The following PTPRD variants were observed in gnomAD, a reference collection of about 807,000 sequenced individuals.
The protein encoded by PTPRD is protein tyrosine phosphatase receptor type D.
In PTPRD, 34 loss-of-function variants were observed where a neutral mutation model predicts 214.5. The observed-to-expected ratio is 0.16, with a 90% CI of 0.12 to 0.21. The LOEUF (loss-of-function observed/expected upper bound fraction) is 0.21. Among genes scored for constraint, PTPRD ranks in the 10% least tolerant of loss-of-function variants. The pLI is 1.00. For synonymous variants in PTPRD, 1,128 were observed against 845.7 expected (o/e 1.33, Z -5.79); for missense variants, 2,545 against 2,398.7 (o/e 1.06, Z -1.27).
At chr9:9,038,503 C>T (rs1298562897) in intron 10 of PTPRD, among the ~76,000 whole-genome samples, 1 of 151,294 alleles carries the variant, frequency 6.6e-6, no homozygotes, top group Non-Finnish European at 1.5e-5. Context: ...CACAATTCTT[C>T]ACTTTAAGTG....
intron 4 of PTPRD, among the ~76,000 whole-genome samples, chr9:9,946,881 G>A (rs2153982808): frequency 6.6e-6 from 1 of 152,128 alleles, no homozygotes; most frequent in African/African-American, 2.4e-5. Context: ...GCAATATTAT[G>A]TGAAGCAGAA....
intron 5 of PTPRD, among the ~76,000 whole-genome samples, chr9:9,776,639 A>C (rs2098800638): frequency 6.6e-6 from 1 of 152,242 alleles, no homozygotes; most frequent in Non-Finnish European, 1.5e-5. Flanking sequence ...TAACAAGAAA[A>C]AAAAGAACAT....
chr9:8,877,028 G>C (rs1211440411), intron 11 of PTPRD, among the ~76,000 whole-genome samples: 2 of 151,910 alleles, frequency 1.3e-5, no homozygotes, highest in East Asian at 1.9e-4. Flanking sequence ...CCGGGTTCAA[G>C]TGCTTCTCCT....
intron 11 of PTPRD, among the ~76,000 whole-genome samples, chr9:8,818,341 G>C (rs955823095): frequency 2.4e-4 from 36 of 152,146 alleles, no homozygotes; most frequent in Non-Finnish European, 2.9e-5. Context: ...GATAGGCAGA[G>C]AGATAAAAGA....
intron 8 of PTPRD, among the ~76,000 whole-genome samples, chr9:9,515,297 G>C (rs1409583854): frequency 6.6e-6 from 1 of 151,852 alleles, no homozygotes; most frequent in African/African-American, 2.4e-5. Context: ...TTTTTTATTT[G>C]TTTGGAGTCT....
At chr9:8,723,749 G>C (rs189321501) in intron 12 of PTPRD, among the ~76,000 whole-genome samples, 50 of 151,958 alleles carry the variant, frequency 3.3e-4, no homozygotes, top group African/African-American at 1.1e-3. Context: ...ATCTTAAAAA[G>C]GTTTAAGTAT....
At chr9:8,495,233 A>T (rs1242865304) in intron 26 of PTPRD, among the ~76,000 whole-genome samples, 6 of 152,218 alleles carry the variant, frequency 3.9e-5, no homozygotes, top group Non-Finnish European at 8.8e-5. Context: ...TCCTGGAAGT[A>T]GACTCCCCCT....
chr9:9,760,469 C>T lies in PTPRD; in HGVS notation c.-326+6341G>A, dbSNP rs545415854. 1.1e-4 allele frequency among the ~76,000 whole-genome samples: 16 copies of T among 152,058 alleles called. No individual in the cohort carries two copies. In the South Asian group the frequency reaches 2.7e-3, roughly 26 times the overall value. On this transcript the variant is annotated intron_variant, in intron 6 of 45. Transcript: ENST00000381196. ...CCTGCTCCAATACCTTCTTAACTGT[C>T]ACATGTTCATAACCTTTATTTCTAT...
At chr9:10,244,403 G>A (rs1175980708) in intron 3 of PTPRD, among the ~76,000 whole-genome samples, 1 of 152,108 alleles carries the variant, frequency 6.6e-6, no homozygotes, top group Non-Finnish European at 1.5e-5. Flanking sequence ...TTAGACCCTG[G>A]CTGCTGAATG....
chr9:9,792,910 G>A (rs2098977254), intron 5 of PTPRD, among the ~76,000 whole-genome samples: 1 of 151,938 alleles, frequency 6.6e-6, no homozygotes, highest in Non-Finnish European at 1.5e-5. Context: ...AAATTTAAGG[G>A]GTATTAAAAT....
intron 21 of PTPRD, among the ~76,000 whole-genome samples, chr9:8,514,401 T>C (rs2138125855): frequency 6.6e-6 from 1 of 152,270 alleles, no homozygotes; most frequent in South Asian, 2.1e-4. Context: ...ATGTTTAAAC[T>C]GGTGCTTATA....
chr9:9,741,074 G>T (rs10977941), intron 6 of PTPRD, among the ~76,000 whole-genome samples: 6,469 of 152,152 alleles, frequency 0.043, 744 homozygotes, highest in East Asian at 0.4. Context: ...TGGGCAACCG[G>T]GTGATGATAT....
At chr9:9,916,388 G>A (rs558431311) in intron 5 of PTPRD, among the ~76,000 whole-genome samples, 1 of 151,768 alleles carries the variant, frequency 6.6e-6, no homozygotes, top group South Asian at 2.1e-4. Context: ...GGAACAAAGG[G>A]TATATAAAAC....
At chr9:9,406,444 AAT>A (rs1167386242) in intron 8 of PTPRD, among the ~76,000 whole-genome samples, 1 of 151,916 alleles carries the variant, frequency 6.6e-6, no homozygotes, top group Non-Finnish European at 1.5e-5. Flanking sequence ...GCCTTCAAGA[AAT>A]ATTAAGAAAA....
At chr9:8,727,163 A>G (rs2098593088) in intron 12 of PTPRD, among the ~76,000 whole-genome samples, 1 of 152,216 alleles carries the variant, frequency 6.6e-6, no homozygotes, top group African/African-American at 2.4e-5. Flanking sequence ...TTCCATCCTT[A>G]GAGTTTAGGG....
intron 27 of PTPRD, among the ~76,000 whole-genome samples, chr9:8,486,775 A>C (rs1477248762): frequency 6.6e-6 from 1 of 152,242 alleles, no homozygotes; most frequent in African/African-American, 2.4e-5. Context: ...AGTGCATTGC[A>C]TATAGTATTC....
intron 35 of PTPRD, among the ~76,000 whole-genome samples, chr9:8,433,951 C>A: frequency 6.6e-6 from 1 of 152,078 alleles, no homozygotes; most frequent in African/African-American, 2.4e-5. Flanking sequence ...TCCATTCATG[C>A]TAAGTGTCCT....
chr9:8,387,126 C>T (rs2087398233), intron 37 of PTPRD, among the ~76,000 whole-genome samples: 1 of 152,132 alleles, frequency 6.6e-6, no homozygotes, highest in African/African-American at 2.4e-5. Flanking sequence ...TAATTGGCTT[C>T]CTTAGGCCAT....
intron 8 of PTPRD, among the ~76,000 whole-genome samples, chr9:9,516,571 C>G (rs560518864): frequency 6.6e-6 from 1 of 151,178 alleles, no homozygotes; most frequent in South Asian, 2.1e-4. Flanking sequence ...TGGATTCTTG[C>G]TCTGTTGCCA....
Sources: allele counts gnomAD v4.1 joint callset (sites outside exome capture counted in the v4.1 genomes callset), GRCh38; gene constraint gnomAD v4.1.1; transcripts MANE v1.5; gene names NCBI Gene and HGNC (gene_info 2026-07-23, HGNC 2026-07-21).